Variants in IL23R observed in about 807,000 individuals in gnomAD.
IL23R encodes the protein interleukin 23 receptor, also known as interleukin-23 receptor.
Under a neutral mutation model 56.9 loss-of-function variants are expected in IL23R, and 34 were observed. That is an observed-to-expected ratio of 0.60 (90% CI 0.45 to 0.80). IL23R has a LOEUF of 0.80. Ranked by LOEUF, IL23R falls within the 30% of genes least tolerant of loss-of-function variation. The probability of loss-of-function intolerance (pLI) is 0.00; values close to 1 mark genes in which losing one functional copy is unlikely to be tolerated. For synonymous variants in IL23R, 230 were observed against 249.2 expected (o/e 0.92, Z 0.73); for missense variants, 635 against 730.0 (o/e 0.87, Z 1.50).
downstream of IL23R, among the ~76,000 whole-genome samples, chr1:67,263,851 G>A (rs530006978): frequency 1.0e-3 from 142 of 139,196 alleles, 1 homozygote; most frequent in Non-Finnish European, 9.3e-4. Context: ...GCAACAGAGC[G>A]AGACTCCATC....
intron 9 of IL23R, among the ~76,000 whole-genome samples, chr1:67,241,919 A>G (rs1032611433): frequency 6.6e-6 from 1 of 152,210 alleles, no homozygotes; most frequent in South Asian, 2.1e-4. Context: ...CAACTGAATC[A>G]CTATAATACC....
chr1:67,243,471 C>T (rs1429506363), intron 9 of IL23R, among the ~76,000 whole-genome samples: 2 of 152,018 alleles, frequency 1.3e-5, no homozygotes, highest in South Asian at 4.2e-4. Context: ...CCTCCTACCC[C>T]TTGACAGGCC....
At chr1:67,157,560 TG>T (rs1207936750) in intron 1 of IL23R, among the ~76,000 whole-genome samples, 2 of 152,226 alleles carry the variant, frequency 1.3e-5, no homozygotes, top group Non-Finnish European at 2.9e-5. Context: ...GTTCTCCTCT[TG>T]CTCTTCCCAC....
At chr1:67,180,991 T>C (rs2102582389) in intron 3 of IL23R, among the ~76,000 whole-genome samples, 1 of 152,380 alleles carries the variant, frequency 6.6e-6, no homozygotes, top group Admixed American at 6.5e-5. Flanking sequence ...AGAGATCCGC[T>C]GTTAGTCTGA....
At chr1:67,202,855 G>T (rs544350389) in intron 5 of IL23R, among the ~76,000 whole-genome samples, 19 of 152,216 alleles carry the variant, frequency 1.2e-4, no homozygotes, top group African/African-American at 3.4e-4. Context: ...TATTTCAGGC[G>T]TGAGCCACCA....
intron 5 of IL23R, among the ~76,000 whole-genome samples, chr1:67,202,392 A>G (rs1416424168): frequency 1.3e-5 from 2 of 152,032 alleles, no homozygotes; most frequent in Admixed American, 6.6e-5. Flanking sequence ...AAAGTTGTTC[A>G]TGGCTATATA....
At chr1:67,226,774 G>A (rs111312851) in intron 7 of IL23R, among the ~76,000 whole-genome samples, 28 of 152,106 alleles carry the variant, frequency 1.8e-4, no homozygotes, top group Non-Finnish European at 1.8e-4. Flanking sequence ...TATCACCATC[G>A]CCTTAGTAGT....
intron 4 of IL23R, among the ~76,000 whole-genome samples, chr1:67,199,139 C>G (rs556451939): frequency 1.2e-4 from 19 of 152,204 alleles, no homozygotes; most frequent in Non-Finnish European, 1.9e-4. Context: ...CTTTCTATCA[C>G]TTACATGATA....
Position 67,177,461 on chromosome 1 carries a change from G to A in IL23R, c.368-5375G>A, listed in dbSNP as rs190584166. On this transcript the variant is annotated intron_variant, in intron 3 of 10. Transcript: ENST00000347310. ...ATATCTGTTGCCCACTTTTTGATGG[G>A]GTTGTTTGTTTTTTTCTTGTAAATT... Among the ~76,000 whole-genome samples the A allele has an allele frequency of 7.4e-3, 1,130 of 151,954 alleles. 19 individuals are homozygous for A. The highest frequency in any genetic ancestry group is 0.026 in the African/African-American group (1,071 of 41,306).
intron 3 of IL23R, among the ~76,000 whole-genome samples, chr1:67,174,021 A>G (rs1032038912): frequency 1.3e-5 from 2 of 152,068 alleles, no homozygotes; most frequent in Non-Finnish European, 2.9e-5. Context: ...TTGCTTTTGG[A>G]TGTGTTTAGG....
chr1:67,203,974 T>C (rs963285839), intron 5 of IL23R, among the ~76,000 whole-genome samples: 4 of 152,268 alleles, frequency 2.6e-5, no homozygotes, highest in East Asian at 1.9e-4. Context: ...TGGATAAATA[T>C]GTGTTGGAAA....
chr1:67,157,963 C>A (rs982188942), intron 1 of IL23R, among the ~76,000 whole-genome samples: 5 of 152,142 alleles, frequency 3.3e-5, no homozygotes, highest in African/African-American at 4.8e-5. Context: ...TGACTGTAAT[C>A]CCAGCACTTT....
At chr1:67,208,357 T>C (rs1215602794) in intron 6 of IL23R, among the ~76,000 whole-genome samples, 1 of 152,058 alleles carries the variant, frequency 6.6e-6, no homozygotes, top group Non-Finnish European at 1.5e-5. Context: ...ATGGGGAAAA[T>C]GTCTCCAGGC....
At chr1:67,165,885 T>G (rs1646868816), upstream of IL23R, among the ~76,000 whole-genome samples, 1 of 152,234 alleles carries the variant, frequency 6.6e-6, no homozygotes, top group South Asian at 2.1e-4. Flanking sequence ...TCAGGAGATC[T>G]GATATACAGT....
intron 6 of IL23R, among the ~76,000 whole-genome samples, chr1:67,217,918 A>T (rs1293479633): frequency 6.6e-6 from 1 of 151,744 alleles, no homozygotes; most frequent in Non-Finnish European, 1.5e-5. Flanking sequence ...TTTTAATCTC[A>T]ATCGTTGTAA....
intron 6 of IL23R, among the ~76,000 whole-genome samples, chr1:67,208,269 A>G (rs1570851471): frequency 6.6e-6 from 1 of 152,182 alleles, no homozygotes; most frequent in Non-Finnish European, 1.5e-5. Flanking sequence ...AGAAAAACCC[A>G]TTCTGGGGGG....
rs181513334 is a variant in IL23R at position 67,166,905 on chromosome 1, T to G, written c.-30+364T>G. Among the ~76,000 whole-genome samples the G allele has an allele frequency of 2.0e-5, 3 of 152,298 alleles. No individual in the cohort carries two copies. In the East Asian group the frequency reaches 5.8e-4, roughly 29 times the overall value. ...ATGATGAGCCATGCATTGCGTTCTC[T>G]TGTAGTTTTATAGAAAAAGCTCAGG... On this transcript the variant is annotated intron_variant, in intron 1 of 10. Coordinates refer to ENST00000347310, the MANE Select transcript of IL23R (RefSeq NM_144701.3).
At position 67,255,924 on chromosome 1, in the gene IL23R, A is replaced by G. The variant is rs751394298; in HGVS notation, c.1236A>G (p.Leu412=). Residue 412 remains leucine, a synonymous_variant, in exon 10 of 11, where the codon CTA becomes CTG. Coordinates refer to ENST00000347310, the MANE Select transcript of IL23R (RefSeq NM_144701.3). ...AAAACAGCAATGTTGTGAAAATGCT[A>G]CAGGTAACCTAACATCATCCAACAA... ...NMKNSNVVKM[L]QENSELMNNN... is the part of the protein sequence containing the mutation. The G allele has an allele frequency of 1.9e-6, 3 of 1,584,324 alleles. No homozygotes were observed. The highest frequency in any genetic ancestry group is 1.1e-5 in the South Asian group (1 of 90,434).
chr1:67,205,333 T>A (rs769746407), intron 5 of IL23R, among the ~76,000 whole-genome samples: 13 of 152,272 alleles, frequency 8.5e-5, no homozygotes, highest in Non-Finnish European at 1.6e-4. Flanking sequence ...ATAGTCATTG[T>A]AGTAAAACAA....
Sources: gnomAD v4.1 joint callset for allele counts (sites outside exome capture counted in the v4.1 genomes callset) on GRCh38, gnomAD v4.1.1 for gene constraint, MANE v1.5 for transcripts, NCBI Gene and HGNC (gene_info 2026-07-23, HGNC 2026-07-21) for gene names.